SLC61A1: variants seen among roughly 807,000 people sequenced by gnomAD.
The protein encoded by SLC61A1 is solute carrier family 61 member 1.
the SLC61A1 span, chr12:53,252,226 G>A: frequency 4.2e-6 from 6 of 1,413,546 alleles, no homozygotes; most frequent in Non-Finnish European, 5.5e-6. Flanking sequence ...TGGCGGCCTG[G>A]AGCCGGACGT....
At chr12:53,251,878 T>C in the SLC61A1 span, 1 of 1,537,156 alleles carries the variant, frequency 6.5e-7, no homozygotes, top group African/African-American at 1.4e-5. Context: ...GAAAAGAAAA[T>C]TGGCACTTAT....
At chr12:53,254,030 A>G in the SLC61A1 span, 1 of 1,614,180 alleles carries the variant, frequency 6.2e-7, no homozygotes, top group South Asian at 1.1e-5. Context: ...CCTCCATGAC[A>G]GTGATCGAAA....
chr12:53,254,359 TC>T, the SLC61A1 span: 1 of 712,424 alleles, frequency 1.4e-6, no homozygotes, highest in Non-Finnish European at 2.3e-6. Context: ...TGCCAAAAGT[TC>T]CCTCTGTGTT....
At chr12:53,252,071 G>GGGCGA in the SLC61A1 span, 4 of 1,466,218 alleles carry the variant, frequency 2.7e-6, no homozygotes, top group African/African-American at 5.7e-5. Flanking sequence ...GGGCGGGGCG[G>GGGCGA]GGTTTTGGCG....
chr12:53,253,557 G>C, the SLC61A1 span: 1 of 1,613,954 alleles, frequency 6.2e-7, no homozygotes. Flanking sequence ...GGAGGCCTGC[G>C]CTGCCTCCTG....
At chr12:53,252,033 C>A in the SLC61A1 span, 8 of 348,750 alleles carry the variant, frequency 2.3e-5, no homozygotes, top group Non-Finnish European at 3.0e-5. Flanking sequence ...GTTCCGCGCC[C>A]GGGTAAGGGA....
At chr12:53,251,752 G>A in the SLC61A1 span, 1 of 1,536,982 alleles carries the variant, frequency 6.5e-7, no homozygotes, top group East Asian at 2.4e-5. Flanking sequence ...ACTGCAGTGG[G>A]AGAGGAGGCA....
At chr12:53,253,526 G>A in the SLC61A1 span, 4 of 1,614,152 alleles carry the variant, frequency 2.5e-6, no homozygotes, top group South Asian at 4.4e-5. Flanking sequence ...CCGGCAGCGT[G>A]CCTTCTCAAG....
At chr12:53,253,171 C>T in the SLC61A1 span, 1 of 1,614,246 alleles carries the variant, frequency 6.2e-7, no homozygotes. Context: ...TCCTCTTCTC[C>T]CTGACTTACT....
chr12:53,252,023 G>A, the SLC61A1 span: 9 of 1,424,900 alleles, frequency 6.3e-6, no homozygotes, highest in Non-Finnish European at 8.3e-6. Flanking sequence ...GGCGTCAGGA[G>A]TTCCGCGCCC....
chr12:53,252,122 C>T, the SLC61A1 span: 1 of 1,445,678 alleles, frequency 6.9e-7, no homozygotes, highest in African/African-American at 1.4e-5. Flanking sequence ...TGGCGGCGGC[C>T]AGAGGCCTGC....
At chr12:53,253,795 C>T in the SLC61A1 span, 7 of 1,614,100 alleles carry the variant, frequency 4.3e-6, no homozygotes, top group South Asian at 1.1e-5. Flanking sequence ...TTGCTGTGCT[C>T]ATCGTCGTCT....
the SLC61A1 span, chr12:53,253,499 T>TG: frequency 6.2e-7 from 1 of 1,614,094 alleles, no homozygotes; most frequent in Non-Finnish European, 8.5e-7. Context: ...CCTTCGAAAC[T>TG]GGGGGGAGAA....
the SLC61A1 span, chr12:53,253,714 G>A: frequency 6.2e-7 from 1 of 1,613,996 alleles, no homozygotes; most frequent in East Asian, 2.2e-5. Flanking sequence ...CAGCCAGCCT[G>A]CTTGGCTCTT....
chr12:53,251,666 C>A, the SLC61A1 span: 1 of 1,444,908 alleles, frequency 6.9e-7, no homozygotes, highest in South Asian at 1.4e-5. Flanking sequence ...CTGTCTGCAG[C>A]CCGACTCCAA....
the SLC61A1 span, chr12:53,253,954 G>A: frequency 1.9e-6 from 3 of 1,614,104 alleles, no homozygotes; most frequent in African/African-American, 2.7e-5. Flanking sequence ...CTGAGACAGA[G>A]CAGGCTGGTG....
chr12:53,253,236 G>A, the SLC61A1 span: 60 of 1,614,100 alleles, frequency 3.7e-5, no homozygotes, highest in South Asian at 3.1e-4. Flanking sequence ...CTAGTGGGGC[G>A]AGCACTTGGT....
chr12:53,253,318 C>T, the SLC61A1 span: 3 of 1,614,268 alleles, frequency 1.9e-6, no homozygotes, highest in Non-Finnish European at 2.5e-6. Context: ...AACGGCATGA[C>T]TTCCCTGCTG....
chr12:53,251,832 C>T, the SLC61A1 span: 1 of 1,537,292 alleles, frequency 6.5e-7, no homozygotes, highest in South Asian at 1.2e-5. Context: ...TTGGCTCTAC[C>T]GGACTGCGGG....
Sources: allele counts gnomAD v4.1 joint callset, GRCh38; gene constraint gnomAD v4.1.1; transcripts MANE v1.5; gene names NCBI Gene and HGNC (gene_info 2026-07-23, HGNC 2026-07-21).